The following RUNX1T1 variants were observed in gnomAD, a reference collection of about 807,000 sequenced individuals.
RUNX1T1 encodes the protein protein CBFA2T1.
A neutral mutation model predicts 62.8 loss-of-function variants in RUNX1T1; 4 were observed. That is an observed-to-expected ratio of 0.06 (90% CI 0.03 to 0.15). The LOEUF (loss-of-function observed/expected upper bound fraction) is 0.15, where lower values mean the gene tolerates loss of function less well. Ranked by LOEUF, RUNX1T1 falls within the 10% of genes least tolerant of loss-of-function variation. The pLI, the probability that RUNX1T1 is intolerant of heterozygous loss-of-function variation, is 1.00. For synonymous variants in RUNX1T1, 291 were observed against 286.0 expected (o/e 1.02, Z -0.18); for missense variants, 508 against 754.3 (o/e 0.67, Z 3.82).
At chr8:91,997,580 A>G (rs1288427040) in intron 5 of RUNX1T1, among the ~76,000 whole-genome samples, 1 of 152,174 alleles carries the variant, frequency 6.6e-6, no homozygotes, top group African/African-American at 2.4e-5. Context: ...TTTCTGTACC[A>G]TCTTCTACCT....
At chr8:92,039,405 A>G (rs1056292119) in intron 1 of RUNX1T1, among the ~76,000 whole-genome samples, 1 of 152,118 alleles carries the variant, frequency 6.6e-6, no homozygotes, top group African/African-American at 2.4e-5. Context: ...TTTTAACAAT[A>G]CCTGACTCTC....
At chr8:92,062,825 C>T (rs1030024093) in exon 1 of RUNX1T1, 3 of 1,438,702 alleles carry the variant, frequency 2.1e-6, no homozygotes, top group African/African-American at 2.9e-5. Flanking sequence ...TTAGGCAGAA[C>T]AATGACAGGG....
upstream of RUNX1T1, among the ~76,000 whole-genome samples, chr8:92,101,394 C>T (rs1009901025): frequency 6.6e-6 from 1 of 152,172 alleles, no homozygotes; most frequent in Non-Finnish European, 1.5e-5. Context: ...CTCTCCAGCT[C>T]TCCTGGTCTT....
At chr8:92,068,196 T>C (rs1176270434) in intron 2 of RUNX1T1, among the ~76,000 whole-genome samples, 1 of 152,104 alleles carries the variant, frequency 6.6e-6, no homozygotes. Context: ...CCATTTACAG[T>C]TTTCTCATAT....
rs56037232 is a variant in RUNX1T1, at chr8:91,959,412, T to TTGTGTGTG, written c.*822_*829dup. 2.2e-3 allele frequency: 303 copies of TTGTGTGTG among 139,424 alleles called. 5 individuals carry two copies. The highest frequency in any genetic ancestry group is 2.9e-3 in the Non-Finnish European group (224 of 76,844). 8.6% of individuals were successfully genotyped at this position (139,424 alleles called of 1,614,324 possible). ...ATTAACTGCAGGCTGAGTCTCTTAC[T>TTGTGTGTG]TGTGTGTGTGTGTGTGTGTGTGTGT... On this transcript the variant is annotated 3_prime_UTR_variant, in exon 11 of 11. Transcript: ENST00000396218.
chr8:92,087,886 T>A (rs10103562), intron 1 of RUNX1T1, among the ~76,000 whole-genome samples: 197 of 152,332 alleles, frequency 1.3e-3, no homozygotes, highest in African/African-American at 4.6e-3. Flanking sequence ...ATTTTATACC[T>A]GCTCTCTCGA....
intron 1 of RUNX1T1, chr8:92,062,416 T>C: frequency 1.0e-6 from 1 of 996,894 alleles, no homozygotes; most frequent in Non-Finnish European, 1.6e-6. Flanking sequence ...CACACCTCTG[T>C]CACCCCCAGC....
At chr8:92,017,472 C>T in intron 1 of RUNX1T1, 109 bp from the exon 3 acceptor site, 1 of 1,573,712 alleles carries the variant, frequency 6.4e-7, no homozygotes, top group Non-Finnish European at 8.6e-7. Flanking sequence ...TCAACATCTT[C>T]TATCAATAAA....
chr8:92,088,951 A>G (rs1348701932), intron 1 of RUNX1T1, among the ~76,000 whole-genome samples: 2 of 152,222 alleles, frequency 1.3e-5, no homozygotes, highest in African/African-American at 2.4e-5. Flanking sequence ...CTTTGTGGCA[A>G]AGAACTTCAA....
upstream of RUNX1T1, among the ~76,000 whole-genome samples, chr8:92,067,425 G>T (rs1833030887): frequency 1.3e-5 from 2 of 152,116 alleles, no homozygotes; most frequent in African/African-American, 4.8e-5. Context: ...ATGGTCTCAG[G>T]TCACTTTGAT....
chr8:92,064,746 C>T (rs1832612216), upstream of RUNX1T1, among the ~76,000 whole-genome samples: 2 of 152,148 alleles, frequency 1.3e-5, no homozygotes, highest in African/African-American at 2.4e-5. Flanking sequence ...ATGCAATACA[C>T]TTTTGAGAAA....
upstream of RUNX1T1, chr8:92,099,760 G>T (rs1313895455): frequency 7.4e-5 from 33 of 448,786 alleles, no homozygotes; most frequent in Non-Finnish European, 9.7e-5. Context: ...TGAGAAACAG[G>T]ATTTGACAGT....
chr8:91,970,709 C>T (rs1215019058), exon 10 of RUNX1T1: 1 of 1,613,422 alleles, frequency 6.2e-7, no homozygotes, highest in African/African-American at 1.3e-5. Context: ...CCTCCGCCGC[C>T]TGCCGTTTGG....
upstream of RUNX1T1, among the ~76,000 whole-genome samples, chr8:92,065,455 A>G (rs1382066482): frequency 6.6e-6 from 1 of 152,242 alleles, no homozygotes; most frequent in East Asian, 1.9e-4. Context: ...TCACTGAATT[A>G]AGAACACAGT....
At chr8:92,016,894 A>G (rs1446598238) in intron 2 of RUNX1T1, among the ~76,000 whole-genome samples, 3 of 152,216 alleles carry the variant, frequency 2.0e-5, no homozygotes, top group South Asian at 2.1e-4. Flanking sequence ...AAACTAAAAT[A>G]AAGAGCTCCA....
Position 92,036,968 on chromosome 8 carries a change from T to C in RUNX1T1, c.8-19605A>G, listed in dbSNP as rs75224371. 7.2e-3 allele frequency among the ~76,000 whole-genome samples: 1,099 copies of C among 152,298 alleles called. 14 individuals carry two copies. Among genetic ancestry groups the C allele is most frequent in the African/African-American group, 0.025 (1,024 of 41,556 alleles). On this transcript the variant is annotated intron_variant, in intron 1 of 10. Coordinates refer to ENST00000396218, the Ensembl canonical transcript of RUNX1T1. Reference sequence around the variant, plus strand: ...CTCAATGTCCTGAGCTTCAGATTTGTCCCAAATGTCTACTTCTGGGACTGA... The same window carrying C: ...CTCAATGTCCTGAGCTTCAGATTTGCCCCAAATGTCTACTTCTGGGACTGA...
At chr8:92,103,227 G>A (rs1808458274), upstream of RUNX1T1, 5 of 280,352 alleles carry the variant, frequency 1.8e-5, no homozygotes, top group Admixed American at 2.2e-4. Flanking sequence ...CAAATGTGAT[G>A]TGGGGCGCAG....
chr8:92,095,876 C>A (rs534398869), intron 1 of RUNX1T1, among the ~76,000 whole-genome samples: 1 of 152,186 alleles, frequency 6.6e-6, no homozygotes. Context: ...GGAACATGTT[C>A]GAGATTCTGT....
intron 1 of RUNX1T1, among the ~76,000 whole-genome samples, chr8:92,029,298 A>G (rs1825810264): frequency 6.6e-6 from 1 of 152,222 alleles, no homozygotes; most frequent in Non-Finnish European, 1.5e-5. Flanking sequence ...ATCTGAGAGC[A>G]CAGTATGAAT....
Sources: allele counts gnomAD v4.1 joint callset (sites outside exome capture counted in the v4.1 genomes callset), GRCh38; gene constraint gnomAD v4.1.1; transcripts MANE v1.5; gene names NCBI Gene and HGNC (gene_info 2026-07-23, HGNC 2026-07-21).